Variants in PCDH15 observed in about 807,000 individuals in gnomAD.
PCDH15 encodes protocadherin-15.
PCDH15 carries 129 observed loss-of-function variants against 178.5 expected under a neutral mutation model. That is an observed-to-expected ratio of 0.72 (90% CI 0.63 to 0.84). The LOEUF is 0.84. Ranked by LOEUF, PCDH15 falls within the 40% of genes least tolerant of loss-of-function variation. The pLI is 0.00. For missense variants in PCDH15, 2,230 were observed against 2,099.9 expected (o/e 1.06, Z -1.21); for synonymous variants, 800 against 732.0 (o/e 1.09, Z -1.50).
At chr10:55,377,433 T>C (rs1265798530) in intron 2 of PCDH15, among the ~76,000 whole-genome samples, 1 of 151,862 alleles carries the variant, frequency 6.6e-6, no homozygotes, top group Non-Finnish European at 1.5e-5. Context: ...CTGGTTTATT[T>C]AAAAACAGGA....
rs924803685 is a variant in PCDH15, at chr10:55,384,634, T to C, written c.-155-217983A>G. 5.9e-5 allele frequency among the ~76,000 whole-genome samples: 9 copies of C among 152,128 alleles called. No individual in the cohort carries two copies. In the East Asian group the frequency reaches 1.5e-3, roughly 26 times the overall value. On this transcript the variant is annotated intron_variant, in intron 2 of 5. Transcript: ENST00000613346. ...TTTCTTCTTCTCTAAGCTTATCTGATTGACCAAGCTGCTTAATAAAATACT... is the reference window on the plus strand; with the variant it reads ...TTTCTTCTTCTCTAAGCTTATCTGACTGACCAAGCTGCTTAATAAAATACT...
chr10:53,953,946 T>G (rs1428720989), intron 23 of PCDH15, among the ~76,000 whole-genome samples: 1 of 152,076 alleles, frequency 6.6e-6, no homozygotes, highest in Admixed American at 6.6e-5. Context: ...CCCGCCACCA[T>G]GCCTGGCTAA....
At chr10:53,923,040 T>A (rs2084140574) in intron 25 of PCDH15, among the ~76,000 whole-genome samples, 2 of 152,198 alleles carry the variant, frequency 1.3e-5, no homozygotes. Context: ...TGAGCCAAGA[T>A]CGTGCCACTG....
chr10:54,878,316 A>G (rs1954191650), intron 3 of PCDH15, among the ~76,000 whole-genome samples: 1 of 152,108 alleles, frequency 6.6e-6, no homozygotes, highest in East Asian at 1.9e-4. Context: ...AAAATTATTT[A>G]CAATGTGTTT....
At chr10:54,780,381 T>C (rs765777166) in intron 1 of PCDH15, among the ~76,000 whole-genome samples, 3 of 152,134 alleles carry the variant, frequency 2.0e-5, no homozygotes, top group Non-Finnish European at 4.4e-5. Context: ...TAGCTAGCTG[T>C]GGGTCAGCTG....
chr10:55,135,517 T>C (rs1838167039), intron 2 of PCDH15, among the ~76,000 whole-genome samples: 1 of 151,660 alleles, frequency 6.6e-6, no homozygotes, highest in Non-Finnish European at 1.5e-5. Context: ...TTTGGGAGCC[T>C]TCCCTGGTCT....
chr10:55,425,574 T>C (rs1838733688), intron 2 of PCDH15, among the ~76,000 whole-genome samples: 2 of 152,238 alleles, frequency 1.3e-5, no homozygotes, highest in East Asian at 3.9e-4. Context: ...TTCATTTTAT[T>C]GCTAATCTAA....
At chr10:54,756,163 T>C (rs1346081293) in intron 1 of PCDH15, among the ~76,000 whole-genome samples, 1 of 151,124 alleles carries the variant, frequency 6.6e-6, no homozygotes, top group African/African-American at 2.4e-5. Context: ...GGCAGGAGAA[T>C]AGTTTGAGCC....
At chr10:55,288,453 G>C (rs573677321) in intron 1 of PCDH15, among the ~76,000 whole-genome samples, 1 of 151,752 alleles carries the variant, frequency 6.6e-6, no homozygotes, top group Admixed American at 6.6e-5. Context: ...CTAACTCTAG[G>C]TACTGTTGTG....
intron 3 of PCDH15, among the ~76,000 whole-genome samples, chr10:54,450,526 T>C (rs922595580): frequency 6.6e-6 from 1 of 151,816 alleles, no homozygotes; most frequent in Non-Finnish European, 1.5e-5. Flanking sequence ...GATAATAAAA[T>C]TTCTAAAGCA....
chr10:54,545,031 T>C (rs2085688674), intron 2 of PCDH15, among the ~76,000 whole-genome samples: 1 of 152,126 alleles, frequency 6.6e-6, no homozygotes, highest in African/African-American at 2.4e-5. Flanking sequence ...GTCTGTACTC[T>C]AAAGTTCATG....
chr10:55,365,537 C>CTTGAA (rs1845333217), intron 2 of PCDH15, among the ~76,000 whole-genome samples: 1 of 152,064 alleles, frequency 6.6e-6, no homozygotes, highest in Admixed American at 6.6e-5. Flanking sequence ...CAAATCTCAT[C>CTTGAA]TTGAATTATA....
At chr10:55,304,041 C>G (rs1462505334) in intron 1 of PCDH15, among the ~76,000 whole-genome samples, 2 of 152,116 alleles carry the variant, frequency 1.3e-5, no homozygotes, top group Admixed American at 6.6e-5. Context: ...ACATTTCCCT[C>G]TAATAACCAT....
chr10:55,288,060 C>T (rs1196015680), intron 1 of PCDH15, among the ~76,000 whole-genome samples: 2 of 149,722 alleles, frequency 1.3e-5, no homozygotes, highest in Non-Finnish European at 3.0e-5. Flanking sequence ...TGACACGATA[C>T]TTAATATATA....
intron 2 of PCDH15, among the ~76,000 whole-genome samples, chr10:55,016,725 C>T (rs1316720459): frequency 6.6e-6 from 1 of 152,138 alleles, no homozygotes; most frequent in Non-Finnish European, 1.5e-5. Flanking sequence ...GTGTGGACAT[C>T]TCAATATACT....
intron 2 of PCDH15, among the ~76,000 whole-genome samples, chr10:54,565,939 C>A (rs1179797093): frequency 6.6e-6 from 1 of 152,042 alleles, no homozygotes; most frequent in Non-Finnish European, 1.5e-5. Context: ...ACAAAATTAG[C>A]CAGGTGTGGT....
chr10:54,057,693 C>T (rs140649849), intron 18 of PCDH15, among the ~76,000 whole-genome samples: 112 of 152,032 alleles, frequency 7.4e-4, no homozygotes, highest in African/African-American at 2.4e-3. Flanking sequence ...TAGCATTTGG[C>T]TCCTCCTTAC....
chr10:54,366,328 A>G (rs1371116362), intron 5 of PCDH15, among the ~76,000 whole-genome samples: 1 of 152,088 alleles, frequency 6.6e-6, no homozygotes, highest in East Asian at 1.9e-4. Context: ...TTGGAAAAAC[A>G]TTTAGATCTT....
intron 18 of PCDH15, among the ~76,000 whole-genome samples, chr10:54,025,767 G>T (rs1414212565): frequency 6.6e-6 from 1 of 152,132 alleles, no homozygotes; most frequent in Non-Finnish European, 1.5e-5. Context: ...AAAGTGCTGG[G>T]ATTACAGGCG....
Sources: allele counts gnomAD v4.1 joint callset (sites outside exome capture counted in the v4.1 genomes callset), GRCh38; gene constraint gnomAD v4.1.1; transcripts MANE v1.5; gene names NCBI Gene and HGNC (gene_info 2026-07-23, HGNC 2026-07-21).